Variants in GALNTL6 observed in about 807,000 individuals in gnomAD.
GALNTL6 encodes polypeptide N-acetylgalactosaminyltransferase-like 6.
GALNTL6 carries 46 observed loss-of-function variants against 73.7 expected under a neutral mutation model. The observed-to-expected ratio is 0.62, with a 90% CI of 0.49 to 0.80. GALNTL6 has a LOEUF of 0.80. GALNTL6 is among the 30% of genes least tolerant of loss of function. The pLI is 0.00. For missense variants in GALNTL6, 604 were observed against 755.0 expected (o/e 0.80, Z 2.34); for synonymous variants, 259 against 263.7 (o/e 0.98, Z 0.17).
At chr4:172,349,718 G>A (rs946016269) in intron 5 of GALNTL6, among the ~76,000 whole-genome samples, 2 of 151,830 alleles carry the variant, frequency 1.3e-5, no homozygotes, top group African/African-American at 4.8e-5. Flanking sequence ...TGACAGAAAG[G>A]AGGTTGTTTG....
chr4:172,230,165 G>A (rs1329945348), intron 3 of GALNTL6, among the ~76,000 whole-genome samples: 1 of 152,056 alleles, frequency 6.6e-6, no homozygotes, highest in Admixed American at 6.5e-5. Flanking sequence ...AATGTTTCTA[G>A]ACACTGGCGG....
chr4:172,836,009 C>A (rs4696032), intron 7 of GALNTL6, among the ~76,000 whole-genome samples: 19,723 of 152,116 alleles, frequency 0.13, 1,466 homozygotes, highest in East Asian at 0.21. Context: ...GCTTTTGCAA[C>A]TCGGGGCCAC....
chr4:172,931,475 C>T (rs928361730), intron 9 of GALNTL6, among the ~76,000 whole-genome samples: 33 of 152,196 alleles, frequency 2.2e-4, no homozygotes, highest in African/African-American at 7.5e-4. Context: ...TTTTCACATA[C>T]ATTATATTTA....
At chr4:171,859,968 C>G (rs1735790204) in intron 2 of GALNTL6, among the ~76,000 whole-genome samples, 1 of 152,184 alleles carries the variant, frequency 6.6e-6, no homozygotes, top group African/African-American at 2.4e-5. Flanking sequence ...ATTATATTCC[C>G]AGGGCTCTGA....
intron 4 of GALNTL6, among the ~76,000 whole-genome samples, chr4:172,331,093 TATTA>T (rs1741108092): frequency 6.6e-6 from 1 of 152,132 alleles, no homozygotes; most frequent in Non-Finnish European, 1.5e-5. Context: ...TATCTTTGCC[TATTA>T]ATTATATTAT....
rs541738511 is a variant in GALNTL6, at chr4:172,863,996, A to G, written c.924-18794A>G. ...AAGTCTCATGAGATCTGATGGTTTT[A>G]TAAATGGGATGCACACAATTCCCCT... On this transcript the variant is annotated intron_variant, in intron 7 of 12. Coordinates refer to ENST00000506823, the MANE Select transcript of GALNTL6 (RefSeq NM_001034845.3). Among the ~76,000 whole-genome samples, 235 of 152,284 alleles carry G rather than the reference A, an allele frequency of 1.5e-3. 1 individual carries two copies. The highest frequency in any genetic ancestry group is 5.4e-3 in the African/African-American group (225 of 41,550).
At chr4:172,850,566 T>C (rs1277639781) in intron 7 of GALNTL6, among the ~76,000 whole-genome samples, 2 of 152,278 alleles carry the variant, frequency 1.3e-5, no homozygotes, top group Middle Eastern at 3.4e-3. Context: ...AATTCTCCAG[T>C]AGACTCCAGA....
chr4:172,979,879 A>T (rs1412738936), intron 10 of GALNTL6, among the ~76,000 whole-genome samples: 1 of 152,232 alleles, frequency 6.6e-6, no homozygotes, highest in Non-Finnish European at 1.5e-5. Flanking sequence ...CCACTTTCTA[A>T]TGTCCTCCCC....
chr4:171,874,469 C>A (rs1296819248), intron 2 of GALNTL6, among the ~76,000 whole-genome samples: 4 of 152,128 alleles, frequency 2.6e-5, no homozygotes, highest in Non-Finnish European at 5.9e-5. Flanking sequence ...GGATTACAGG[C>A]ATGAGGGACT....
chr4:172,015,424 G>C (rs1050225645), intron 2 of GALNTL6, among the ~76,000 whole-genome samples: 9 of 151,098 alleles, frequency 6.0e-5, no homozygotes, highest in African/African-American at 2.2e-4. Context: ...TTTACCTTAA[G>C]TTTGTATGAG....
intron 2 of GALNTL6, among the ~76,000 whole-genome samples, chr4:172,101,757 T>A (rs988153539): frequency 1.3e-5 from 2 of 152,120 alleles, no homozygotes; most frequent in Non-Finnish European, 2.9e-5. Context: ...TTTACTTGAT[T>A]CTAACTTAAA....
chr4:171,926,185 C>T lies in GALNTL6; in HGVS notation c.138+111467C>T, dbSNP rs80204540. On this transcript the variant is annotated intron_variant, in intron 2 of 12. Transcript: ENST00000506823. ...CTTAAATTGCTACAAATAATATCTA[C>T]TTATTTTTATATACTTTTATCAAAC... is the stretch of plus-strand genomic sequence containing the variant. Among the ~76,000 whole-genome samples, 35 of 152,168 alleles carry T rather than the reference C, an allele frequency of 2.3e-4. No homozygotes were observed. In the East Asian group the frequency reaches 6.2e-3, roughly 27 times the overall value.
At chr4:172,686,382 G>A (rs1732918511) in intron 5 of GALNTL6, among the ~76,000 whole-genome samples, 1 of 152,110 alleles carries the variant, frequency 6.6e-6, no homozygotes, top group Non-Finnish European at 1.5e-5. Context: ...CATTCATACA[G>A]TAAAACATGA....
intron 4 of GALNTL6, among the ~76,000 whole-genome samples, chr4:172,322,547 C>T (rs1740797512): frequency 6.6e-6 from 1 of 152,052 alleles, no homozygotes; most frequent in South Asian, 2.1e-4. Context: ...GCAGGCTGTA[C>T]AGGAAGCATG....
At chr4:173,027,650 A>G (rs1301364275) in intron 12 of GALNTL6, among the ~76,000 whole-genome samples, 1 of 152,230 alleles carries the variant, frequency 6.6e-6, no homozygotes, top group Non-Finnish European at 1.5e-5. Context: ...AATAAAATAG[A>G]ATGTTGACTA....
At chr4:172,852,285 C>T (rs932587054) in intron 7 of GALNTL6, among the ~76,000 whole-genome samples, 31 of 152,078 alleles carry the variant, frequency 2.0e-4, no homozygotes, top group Admixed American at 2.0e-3. Context: ...GTCCCAGGTT[C>T]CTTCCATTTT....
chr4:172,167,612 A>G (rs1179383600), intron 2 of GALNTL6, among the ~76,000 whole-genome samples: 3 of 152,230 alleles, frequency 2.0e-5, no homozygotes, highest in Non-Finnish European at 4.4e-5. Flanking sequence ...CAAAAATTAT[A>G]TTTATTTTTA....
chr4:172,453,505 A>G (rs1732287364), intron 5 of GALNTL6, among the ~76,000 whole-genome samples: 1 of 152,208 alleles, frequency 6.6e-6, no homozygotes, highest in Non-Finnish European at 1.5e-5. Flanking sequence ...TGAGTTTTAA[A>G]TGACACATCT....
At chr4:172,362,063 G>A (rs1044059748) in intron 5 of GALNTL6, among the ~76,000 whole-genome samples, 1 of 152,030 alleles carries the variant, frequency 6.6e-6, no homozygotes, top group Non-Finnish European at 1.5e-5. Flanking sequence ...ATAAAATTTA[G>A]GCTTATAATT....
Sources: allele counts gnomAD v4.1 joint callset (sites outside exome capture counted in the v4.1 genomes callset), GRCh38; gene constraint gnomAD v4.1.1; transcripts MANE v1.5; gene names NCBI Gene and HGNC (gene_info 2026-07-23, HGNC 2026-07-21).